RSRC1: variants seen among roughly 807,000 people sequenced by gnomAD.
RSRC1 encodes the protein serine/Arginine-related protein 53.
RSRC1 carries 39 observed loss-of-function variants against 49.1 expected under a neutral mutation model. The ratio of observed to expected loss-of-function variants is 0.79; its 90% CI spans 0.61 to 1.04. The LOEUF is 1.04. Ranked by LOEUF, RSRC1 falls within the 50% of genes least tolerant of loss-of-function variation. The pLI, the probability that RSRC1 is intolerant of heterozygous loss-of-function variation, is 0.00. For missense variants in RSRC1, 388 were observed against 402.4 expected (o/e 0.96, Z 0.31); for synonymous variants, 143 against 130.8 (o/e 1.09, Z -0.63).
intron 8 of RSRC1, among the ~76,000 whole-genome samples, chr3:158,541,029 G>C (rs765639063): frequency 5.3e-5 from 8 of 152,216 alleles, no homozygotes; most frequent in Non-Finnish European, 1.2e-4. Context: ...CCCATGCAGA[G>C]TGGTGATGTG....
At chr3:158,540,744 G>A (rs549241291) in intron 8 of RSRC1, among the ~76,000 whole-genome samples, 2 of 152,078 alleles carry the variant, frequency 1.3e-5, no homozygotes, top group East Asian at 3.9e-4. Flanking sequence ...CATTTATCTA[G>A]TCCAGGACCC....
At chr3:158,408,211 T>G (rs1042196638) in intron 6 of RSRC1, among the ~76,000 whole-genome samples, 5 of 152,204 alleles carry the variant, frequency 3.3e-5, no homozygotes, top group African/African-American at 9.6e-5. Context: ...TTATTAAAAC[T>G]TATTTTCTCA....
chr3:158,476,586 C>T (rs1293452834), intron 7 of RSRC1, among the ~76,000 whole-genome samples: 1 of 152,088 alleles, frequency 6.6e-6, no homozygotes, highest in East Asian at 1.9e-4. Flanking sequence ...AACAACAAAG[C>T]CTGGATGACA....
intron 6 of RSRC1, among the ~76,000 whole-genome samples, chr3:158,360,231 C>T (rs934457912): frequency 3.3e-5 from 5 of 152,168 alleles, no homozygotes; most frequent in Non-Finnish European, 7.4e-5. Context: ...AAGGTAGCCT[C>T]TCTCTGCAGC....
At chr3:158,446,070 A>G (rs893620676) in intron 6 of RSRC1, among the ~76,000 whole-genome samples, 1 of 152,124 alleles carries the variant, frequency 6.6e-6, no homozygotes, top group Non-Finnish European at 1.5e-5. Context: ...GAAAATATCT[A>G]TTAATAGCAA....
At chr3:158,294,528 T>C (rs1727124173) in intron 4 of RSRC1, among the ~76,000 whole-genome samples, 1 of 151,516 alleles carries the variant, frequency 6.6e-6, no homozygotes, top group East Asian at 1.9e-4. Flanking sequence ...TGGGTTCATC[T>C]TTTTTTTTCC....
chr3:158,368,716 G>A (rs1731908893), intron 6 of RSRC1, among the ~76,000 whole-genome samples: 1 of 152,140 alleles, frequency 6.6e-6, no homozygotes, highest in Non-Finnish European at 1.5e-5. Flanking sequence ...GTCTTTTTCA[G>A]TGGTTTTAAA....
At chr3:158,305,298 G>A (rs827162) in intron 5 of RSRC1, among the ~76,000 whole-genome samples, 105,783 of 151,834 alleles carry the variant, frequency 0.7, 37,334 homozygotes, top group East Asian at 0.85. Flanking sequence ...TGATATTGTT[G>A]ATAGTCTCAG....
chr3:158,517,909 G>GT (rs1740663879), intron 7 of RSRC1, among the ~76,000 whole-genome samples: 1 of 148,816 alleles, frequency 6.7e-6, no homozygotes, highest in Non-Finnish European at 1.5e-5. Context: ...GCTGACTTTA[G>GT]TTTTTTTAGT....
intron 4 of RSRC1, among the ~76,000 whole-genome samples, chr3:158,234,398 C>T (rs1165987131): frequency 6.6e-6 from 1 of 152,050 alleles, no homozygotes; most frequent in Non-Finnish European, 1.5e-5. Flanking sequence ...TATTTTAGGT[C>T]TCTAACTGAA....
chr3:158,199,531 C>T (rs990521843), intron 3 of RSRC1, among the ~76,000 whole-genome samples: 6 of 151,958 alleles, frequency 3.9e-5, no homozygotes, highest in African/African-American at 1.5e-4. Flanking sequence ...TTTAATGTTT[C>T]CTTTCTTCCA....
intron 6 of RSRC1, among the ~76,000 whole-genome samples, chr3:158,425,668 A>T (rs1735384127): frequency 6.6e-6 from 1 of 151,912 alleles, no homozygotes; most frequent in African/African-American, 2.4e-5. Flanking sequence ...GATCTGTCTA[A>T]TGTTGACAGT....
chr3:158,514,649 T>C (rs1740398106), intron 7 of RSRC1, among the ~76,000 whole-genome samples: 1 of 152,124 alleles, frequency 6.6e-6, no homozygotes, highest in African/African-American at 2.4e-5. Flanking sequence ...GGTGCAGAGC[T>C]GAGTTCAATT....
At chr3:158,255,272 T>C (rs1465947897) in intron 4 of RSRC1, among the ~76,000 whole-genome samples, 1 of 152,234 alleles carries the variant, frequency 6.6e-6, no homozygotes, top group African/African-American at 2.4e-5. Context: ...CAGTTTCAGC[T>C]TTCTACATAT....
At chr3:158,349,075 CT>C (rs142512984) in intron 5 of RSRC1, among the ~76,000 whole-genome samples, 169 of 150,832 alleles carry the variant, frequency 1.1e-3, no homozygotes, top group African/African-American at 3.7e-3. Flanking sequence ...AGAATGATCT[CT>C]TTTTTTTTGG....
At chr3:158,365,456 T>C (rs1322000869) in intron 6 of RSRC1, among the ~76,000 whole-genome samples, 1 of 152,208 alleles carries the variant, frequency 6.6e-6, no homozygotes, top group African/African-American at 2.4e-5. Context: ...GCTTCATCCA[T>C]GTCCCTGCAA....
chr3:158,184,239 C>T (rs1177988051), intron 3 of RSRC1, among the ~76,000 whole-genome samples: 1 of 151,602 alleles, frequency 6.6e-6, no homozygotes, highest in African/African-American at 2.4e-5. Flanking sequence ...GACATAGACT[C>T]TGTCTCTTTA....
intron 7 of RSRC1, among the ~76,000 whole-genome samples, chr3:158,496,282 A>C (rs1035235848): frequency 6.6e-6 from 1 of 152,122 alleles, no homozygotes; most frequent in Non-Finnish European, 1.5e-5. Flanking sequence ...AGGATAGACT[A>C]GTGGTTTTCA....
intron 6 of RSRC1, among the ~76,000 whole-genome samples, chr3:158,407,715 T>A (rs916938533): frequency 1.3e-5 from 2 of 152,028 alleles, no homozygotes; most frequent in Admixed American, 6.6e-5. Context: ...TAGTTCTTTT[T>A]AAAAAAAATA....
Sources: gnomAD v4.1 joint callset for allele counts (sites outside exome capture counted in the v4.1 genomes callset) on GRCh38, gnomAD v4.1.1 for gene constraint, MANE v1.5 for transcripts, NCBI Gene and HGNC (gene_info 2026-07-23, HGNC 2026-07-21) for gene names.